LAMA2: variants seen among roughly 807,000 people sequenced by gnomAD.
LAMA2 encodes the protein laminin subunit alpha 2.
In LAMA2, 269 loss-of-function variants were observed where a neutral mutation model predicts 364.8. The observed-to-expected ratio is 0.74, with a 90% CI of 0.67 to 0.82. LAMA2 has a LOEUF of 0.82. Among genes scored for constraint, LAMA2 ranks in the 40% least tolerant of loss-of-function variants. LAMA2 has a pLI of 0.00. For synonymous variants in LAMA2, 1,379 were observed against 1,370.6 expected (o/e 1.01, Z -0.14); for missense variants, 3,807 against 3,873.2 (o/e 0.98, Z 0.45).
intron 29 of LAMA2, among the ~76,000 whole-genome samples, chr6:129,333,816 A>G (rs981087393): frequency 1.3e-5 from 2 of 152,204 alleles, no homozygotes; most frequent in Non-Finnish European, 2.9e-5. Flanking sequence ...ATTTATAAAT[A>G]ATGCAGTTTA....
intron 1 of LAMA2, among the ~76,000 whole-genome samples, chr6:128,972,390 T>A (rs1296877043): frequency 6.6e-6 from 1 of 152,196 alleles, no homozygotes; most frequent in Non-Finnish European, 1.5e-5. Context: ...CAAATTCCCA[T>A]CAGTTATATG....
chr6:128,900,209 G>A (rs4368832), intron 1 of LAMA2, among the ~76,000 whole-genome samples: 19,436 of 152,086 alleles, frequency 0.13, 1,596 homozygotes, highest in African/African-American at 0.23. Flanking sequence ...GTCAAGAAAC[G>A]CAGTACCTAT....
Position 129,280,133 on chromosome 6 carries a change from A to G in LAMA2, c.2523A>G (p.Gly841=), listed in dbSNP as rs747555665. 1.2e-6 allele frequency: 2 copies of G among 1,608,712 alleles called. No individual in the cohort carries two copies. Among genetic ancestry groups the G allele is most frequent in the South Asian group, 1.1e-5 (1 of 90,996 alleles). The change falls in exon 18 of 65, where the codon GGA becomes GGG. Residue 841 remains glycine, a synonymous_variant. Coordinates refer to ENST00000421865, the MANE Select transcript of LAMA2 (RefSeq NM_000426.4). The part of the protein sequence containing the change: ...ICDGCPVGYT[G]PRCERCAEGY... Reference sequence around the variant, plus strand: ...ATGGATGCCCTGTCGGGTACACAGGACCACGCTGTGAGAGGTAAGAGTATA... The same window carrying G: ...ATGGATGCCCTGTCGGGTACACAGGGCCACGCTGTGAGAGGTAAGAGTATA...
intron 49 of LAMA2, among the ~76,000 whole-genome samples, chr6:129,460,741 A>G (rs998870451): frequency 6.6e-6 from 1 of 151,858 alleles, no homozygotes; most frequent in South Asian, 2.1e-4. Flanking sequence ...TGAATTCACT[A>G]TATTTATGTT....
At chr6:129,037,352 G>A (rs1025619165) in intron 1 of LAMA2, among the ~76,000 whole-genome samples, 5 of 152,076 alleles carry the variant, frequency 3.3e-5, no homozygotes, top group African/African-American at 9.7e-5. Context: ...ATAAGGATCA[G>A]CCATGTATTA....
chr6:129,304,983 T>A (rs1254217691), intron 22 of LAMA2, among the ~76,000 whole-genome samples: 3 of 152,156 alleles, frequency 2.0e-5, no homozygotes, highest in African/African-American at 7.2e-5. Flanking sequence ...TCAATTATCC[T>A]TAACGGTTTT....
chr6:129,515,192 C>G (rs1253547890), intron 64 of LAMA2, among the ~76,000 whole-genome samples: 2 of 152,150 alleles, frequency 1.3e-5, no homozygotes, highest in Admixed American at 6.5e-5. Context: ...CCAAGTGCCT[C>G]TTAATAAGTA....
At chr6:129,239,311 C>A (rs1461192915) in intron 12 of LAMA2, among the ~76,000 whole-genome samples, 2 of 152,176 alleles carry the variant, frequency 1.3e-5, no homozygotes, top group Admixed American at 1.3e-4. Context: ...CTCTTTTCCA[C>A]TATGCTATAC....
intron 54 of LAMA2, 128 bp downstream of exon 54, chr6:129,478,941 G>C: frequency 1.2e-6 from 1 of 827,206 alleles, no homozygotes; most frequent in East Asian, 2.5e-5. Flanking sequence ...ACTCTTAAAC[G>C]ATAAAGCAAG....
chr6:129,127,469 T>C (rs920011045), intron 4 of LAMA2, among the ~76,000 whole-genome samples: 1 of 152,246 alleles, frequency 6.6e-6, no homozygotes. Context: ...TGTGAAGTGC[T>C]GCAGTGAACA....
At chr6:129,263,041 G>C (rs972268788) in intron 15 of LAMA2, among the ~76,000 whole-genome samples, 1 of 152,140 alleles carries the variant, frequency 6.6e-6, no homozygotes, top group African/African-American at 2.4e-5. Context: ...GATTTCACTT[G>C]ACAGATGAGA....
intron 1 of LAMA2, among the ~76,000 whole-genome samples, chr6:129,026,618 T>TGA (rs1327530034): frequency 3.3e-5 from 5 of 152,186 alleles, no homozygotes; most frequent in African/African-American, 1.2e-4. Context: ...GTAAGAAGTA[T>TGA]ATTTCATGTG....
At chr6:129,186,606 A>G (rs186767971) in intron 10 of LAMA2, among the ~76,000 whole-genome samples, 1 of 151,828 alleles carries the variant, frequency 6.6e-6, no homozygotes, top group East Asian at 1.9e-4. Flanking sequence ...TTGTCATGAA[A>G]ATCTTGGGAT....
intron 12 of LAMA2, among the ~76,000 whole-genome samples, chr6:129,214,512 TC>T (rs1291984959): frequency 6.6e-6 from 1 of 152,216 alleles, no homozygotes; most frequent in African/African-American, 2.4e-5. Context: ...GTCCAGTTTT[TC>T]TAGTGCCATT....
chr6:129,147,366 A>G (rs1242285486), intron 6 of LAMA2, among the ~76,000 whole-genome samples: 1 of 150,426 alleles, frequency 6.6e-6, no homozygotes, highest in Admixed American at 6.7e-5. Flanking sequence ...AACGCCTGCC[A>G]TCAATCAACC....
chr6:129,092,169 A>C (rs1046553132), intron 3 of LAMA2, among the ~76,000 whole-genome samples: 2 of 152,198 alleles, frequency 1.3e-5, no homozygotes, highest in Non-Finnish European at 2.9e-5. Context: ...CTTCCTCAGC[A>C]ACTCACCACA....
At chr6:128,929,609 C>T (rs1355213908) in intron 1 of LAMA2, 3 of 1,362,118 alleles carry the variant, frequency 2.2e-6, no homozygotes, top group African/African-American at 2.9e-5. Context: ...CGCAAAAGCG[C>T]TTCCACGATG....
At chr6:129,342,601 T>C (rs927347265) in intron 30 of LAMA2, 134 bp downstream of exon 30, 6 of 819,634 alleles carry the variant, frequency 7.3e-6, no homozygotes, top group African/African-American at 7.0e-5. Flanking sequence ...TTTAATAATA[T>C]AGAAACATGA....
At chr6:129,091,366 G>A (rs9492231) in intron 3 of LAMA2, among the ~76,000 whole-genome samples, 4,693 of 152,202 alleles carry the variant, frequency 0.031, 216 homozygotes, top group African/African-American at 0.11. Flanking sequence ...CTGAGGTGGT[G>A]GAATAATTCA....
Sources: allele counts gnomAD v4.1 joint callset (sites outside exome capture counted in the v4.1 genomes callset), GRCh38; gene constraint gnomAD v4.1.1; transcripts MANE v1.5; gene names NCBI Gene and HGNC (gene_info 2026-07-23, HGNC 2026-07-21).